Variants in FER observed in about 807,000 individuals in gnomAD.
The protein encoded by FER is tyrosine-protein kinase Fer.
In FER, 63 loss-of-function variants were observed where a neutral mutation model predicts 111.0. That is an observed-to-expected ratio of 0.57 (90% CI 0.46 to 0.70). FER has a LOEUF of 0.70. Ranked by LOEUF, FER falls within the 30% of genes least tolerant of loss-of-function variation. The pLI, the probability that FER is intolerant of heterozygous loss-of-function variation, is 0.00. For missense variants in FER, 914 were observed against 954.0 expected, an observed-to-expected ratio of 0.96 and a Z score of 0.55; for synonymous variants, 327 against 313.9, an observed-to-expected ratio of 1.04 and a Z score of -0.44.
chr5:109,122,327 C>T (rs2126506091), intron 17 of FER, among the ~76,000 whole-genome samples: 1 of 152,122 alleles, frequency 6.6e-6, no homozygotes, highest in South Asian at 2.1e-4. Flanking sequence ...TTCATTGATT[C>T]ACTGGTCATT....
At chr5:109,140,759 G>A (rs1300359270) in intron 17 of FER, among the ~76,000 whole-genome samples, 1 of 152,112 alleles carries the variant, frequency 6.6e-6, no homozygotes, top group Non-Finnish European at 1.5e-5. Flanking sequence ...TTCATAGTCT[G>A]AGCCATCTGA....
chr5:109,158,916 T>G (rs577778538), intron 17 of FER, among the ~76,000 whole-genome samples: 2 of 152,280 alleles, frequency 1.3e-5, no homozygotes, highest in African/African-American at 4.8e-5. Flanking sequence ...ATACCAATAA[T>G]GAAAGTCATT....
chr5:109,179,104 C>T (rs573527742), intron 17 of FER, among the ~76,000 whole-genome samples: 1 of 152,200 alleles, frequency 6.6e-6, no homozygotes, highest in South Asian at 2.1e-4. Context: ...ATCATTAATT[C>T]TAGTTCTTGT....
chr5:108,784,662 A>G (rs1461240032), intron 2 of FER, among the ~76,000 whole-genome samples: 2 of 152,232 alleles, frequency 1.3e-5, no homozygotes, highest in Non-Finnish European at 2.9e-5. Flanking sequence ...ATTGACAGCA[A>G]GCCAGTGATA....
chr5:109,170,508 T>G (rs1398424257), intron 17 of FER, among the ~76,000 whole-genome samples: 1 of 152,192 alleles, frequency 6.6e-6, no homozygotes, highest in African/African-American at 2.4e-5. Flanking sequence ...GGCAAGTTAT[T>G]TAATCTCTGA....
intron 13 of FER, among the ~76,000 whole-genome samples, chr5:108,970,261 G>A (rs1362235055): frequency 6.6e-6 from 1 of 151,258 alleles, no homozygotes; most frequent in East Asian, 1.9e-4. Flanking sequence ...TGTTGCCCAG[G>A]CTGGAGTGCA....
chr5:108,862,561 T>C (rs2150219821), intron 5 of FER, among the ~76,000 whole-genome samples: 1 of 152,264 alleles, frequency 6.6e-6, no homozygotes, highest in East Asian at 1.9e-4. Flanking sequence ...AAAATAAAAT[T>C]TTTAAATAAG....
intron 10 of FER, among the ~76,000 whole-genome samples, chr5:108,903,638 A>G (rs147190305): frequency 1.3e-5 from 2 of 152,366 alleles, no homozygotes; most frequent in East Asian, 1.9e-4. Context: ...GATAATGTGT[A>G]TAAACATATT....
chr5:108,804,268 T>C (rs1756971099), intron 3 of FER, among the ~76,000 whole-genome samples: 2 of 152,178 alleles, frequency 1.3e-5, no homozygotes, highest in African/African-American at 4.8e-5. Context: ...TATAGATGCA[T>C]GTCATCCATT....
chr5:109,187,781 C>T lies in FER; in HGVS notation c.*206C>T, dbSNP rs1344770805. The T allele has an allele frequency of 6.8e-6, 4 of 585,818 alleles. No homozygotes were observed. Among genetic ancestry groups the T allele is most frequent in the Non-Finnish European group, 8.9e-6 (3 of 338,414 alleles). The allele number at this position is 585,818 out of a possible 1,614,324, so 36.3% of individuals were successfully genotyped here. A position where few individuals can be genotyped will look rare whatever the true frequency, so the allele number is the denominator to read the frequency against. ...AAGAAATAGGCAGTCCTACCAAGGG[C>T]TTTCTTAGCTAACCATAGCAATCCT... On this transcript the variant is annotated 3_prime_UTR_variant, in exon 20 of 20. Transcript: ENST00000281092.
chr5:108,961,371 A>G (rs978743779), intron 13 of FER, among the ~76,000 whole-genome samples: 1 of 152,194 alleles, frequency 6.6e-6, no homozygotes, highest in African/African-American at 2.4e-5. Flanking sequence ...CAAAATTTCA[A>G]ATAAAGCTAT....
At chr5:109,146,846 A>T (rs908139115) in intron 17 of FER, among the ~76,000 whole-genome samples, 1 of 152,064 alleles carries the variant, frequency 6.6e-6, no homozygotes, top group African/African-American at 2.4e-5. Flanking sequence ...ATTACCTCAG[A>T]CCTGATGGAC....
At chr5:109,028,414 A>G (rs1350018491) in intron 13 of FER, among the ~76,000 whole-genome samples, 3 of 152,370 alleles carry the variant, frequency 2.0e-5, no homozygotes, top group Non-Finnish European at 4.4e-5. Flanking sequence ...TTGTGTTTCA[A>G]TTAATTAAAA....
At chr5:109,001,830 T>C (rs1764816540) in intron 13 of FER, among the ~76,000 whole-genome samples, 1 of 152,154 alleles carries the variant, frequency 6.6e-6, no homozygotes, top group Non-Finnish European at 1.5e-5. Context: ...AGCATTCTTA[T>C]ACACCAATAA....
At chr5:108,898,568 T>TCCCTCCCTTCCCCTCCCCTC (rs1012217549) in intron 10 of FER, among the ~76,000 whole-genome samples, 2 of 114,872 alleles carry the variant, frequency 1.7e-5, no homozygotes, top group Non-Finnish European at 3.6e-5. Context: ...TCCCTTCCCT[T>TCCCTCCCTTCCCCTCCCCTC]CCCTCCCTTC....
chr5:108,965,881 G>A (rs529664660), intron 13 of FER, among the ~76,000 whole-genome samples: 3 of 152,310 alleles, frequency 2.0e-5, no homozygotes, highest in Admixed American at 6.5e-5. Context: ...TGACTATATA[G>A]TCACTACTTA....
At chr5:108,783,795 TA>T (rs1362418194) in intron 2 of FER, among the ~76,000 whole-genome samples, 1 of 152,040 alleles carries the variant, frequency 6.6e-6, no homozygotes, top group African/African-American at 2.4e-5. Context: ...AGTGTATATC[TA>T]TTGCTGGGGA....
In FER at chr5:109,185,371, A is replaced by G. The variant is rs181520518; in HGVS notation, c.2204-829A>G. ...TTTCGTAAATGAAACTATCAGAGAA[A>G]ATGAGACCTTTAAGCATGTAAGAAC... On this transcript the variant is annotated intron_variant, in intron 18 of 19. Transcript: ENST00000281092. Among the ~76,000 whole-genome samples, 319 of 152,386 alleles carry G rather than the reference A, an allele frequency of 2.1e-3. 1 individual carries two copies. The highest frequency in any genetic ancestry group is 7.3e-3 in the African/African-American group (304 of 41,598).
chr5:109,144,455 G>A (rs573703344), intron 17 of FER, among the ~76,000 whole-genome samples: 2 of 152,222 alleles, frequency 1.3e-5, no homozygotes, highest in South Asian at 2.1e-4. Flanking sequence ...CCTGCACTCC[G>A]TAGCATGCTA....
Sources: allele counts gnomAD v4.1 joint callset (sites outside exome capture counted in the v4.1 genomes callset), GRCh38; gene constraint gnomAD v4.1.1; transcripts MANE v1.5; gene names NCBI Gene and HGNC (gene_info 2026-07-23, HGNC 2026-07-21).